Variants in NXPH1 observed in about 807,000 individuals in gnomAD.
The protein encoded by NXPH1 is neurexophilin 1.
NXPH1 carries 5 observed loss-of-function variants against 23.7 expected under a neutral mutation model. The observed-to-expected ratio is 0.21, with a 90% CI of 0.11 to 0.44. The LOEUF (loss-of-function observed/expected upper bound fraction) is 0.44. Among genes scored for constraint, NXPH1 ranks in the 20% least tolerant of loss-of-function variants. NXPH1 has a pLI of 0.99. For missense variants in NXPH1, 324 were observed against 321.6 expected, an observed-to-expected ratio of 1.01 and a Z score of -0.06; for synonymous variants, 144 against 122.2, an observed-to-expected ratio of 1.18 and a Z score of -1.18.
At chr7:8,517,210 C>A (rs1049692737) in intron 2 of NXPH1, among the ~76,000 whole-genome samples, 11 of 152,000 alleles carry the variant, frequency 7.2e-5, no homozygotes, top group Admixed American at 1.3e-4. Flanking sequence ...TAGGCTGTTA[C>A]AGGGGAAGGA....
In NXPH1 at chr7:8,702,707, A is replaced by AGG. The variant is rs755196456; in HGVS notation, c.55-48301_55-48300insGG. On this transcript the variant is annotated intron_variant, in intron 2 of 2. Transcript: ENST00000405863. ...TATTTAAAGTGCTTTCACCTACATT[A>AGG]TGCCTCCTGCTAGGAAGGCATAGGT... Among the ~76,000 whole-genome samples the AGG allele has an allele frequency of 2.0e-3, 301 of 152,242 alleles. 2 individuals carry two copies. In the Middle Eastern group the frequency reaches 0.02, roughly 10 times the overall value.
intron 2 of NXPH1, among the ~76,000 whole-genome samples, chr7:8,446,645 T>G (rs1300580538): frequency 1.3e-5 from 2 of 152,218 alleles, no homozygotes; most frequent in Non-Finnish European, 2.9e-5. Context: ...TTTGAGGTCC[T>G]TATTTTTTTC....
intron 2 of NXPH1, among the ~76,000 whole-genome samples, chr7:8,575,092 T>C (rs1562408142): frequency 6.6e-6 from 1 of 152,152 alleles, no homozygotes; most frequent in Non-Finnish European, 1.5e-5. Context: ...CTGTATCCTT[T>C]AAGTGACTAA....
chr7:8,530,551 G>T (rs957113616), intron 2 of NXPH1, among the ~76,000 whole-genome samples: 19 of 152,208 alleles, frequency 1.2e-4, no homozygotes, highest in Admixed American at 6.5e-5. Flanking sequence ...GTGAGCAGCA[G>T]TTGCTCCAGA....
At chr7:8,660,202 A>G (rs1332717072) in intron 2 of NXPH1, among the ~76,000 whole-genome samples, 1 of 152,246 alleles carries the variant, frequency 6.6e-6, no homozygotes, top group East Asian at 1.9e-4. Context: ...TTACACTGCC[A>G]GATAGGCATT....
intron 2 of NXPH1, among the ~76,000 whole-genome samples, chr7:8,593,359 C>T (rs1279615639): frequency 6.6e-6 from 1 of 151,594 alleles, no homozygotes; most frequent in Non-Finnish European, 1.5e-5. Flanking sequence ...AAAGCAGGGC[C>T]CTGAAAACTG....
intron 2 of NXPH1, among the ~76,000 whole-genome samples, chr7:8,480,299 T>C (rs117758658): frequency 0.027 from 4,183 of 152,292 alleles, 90 homozygotes; most frequent in Middle Eastern, 0.048. Flanking sequence ...GATGGAATTT[T>C]TATTTTCTCT....
chr7:8,474,501 T>A (rs1331217244), intron 2 of NXPH1, among the ~76,000 whole-genome samples: 3 of 152,178 alleles, frequency 2.0e-5, no homozygotes, highest in Admixed American at 6.5e-5. Context: ...GGCCTTTGTC[T>A]CTACTCCTTA....
At chr7:8,716,912 T>A (rs1303815774) in intron 2 of NXPH1, among the ~76,000 whole-genome samples, 4 of 152,160 alleles carry the variant, frequency 2.6e-5, no homozygotes, top group Non-Finnish European at 2.9e-5. Context: ...TTTCTTCACC[T>A]CCCTAATGCA....
At position 8,609,085 on chromosome 7, in the gene NXPH1, G is replaced by A. The variant is rs115481569; in HGVS notation, c.55-141923G>A. 3.0e-3 allele frequency among the ~76,000 whole-genome samples: 463 copies of A among 152,244 alleles called. 4 individuals are homozygous for A. The highest frequency in any genetic ancestry group is 0.011 in the African/African-American group (449 of 41,550). On this transcript the variant is annotated intron_variant, in intron 2 of 2. Transcript: ENST00000405863. The stretch of plus-strand genomic sequence containing the variant: ...CATCACTGTTTACAAGAACCTATCA[G>A]TGATTTTAGGTGTGGACTTATTGTG...
At chr7:8,460,806 A>G (rs549005336) in intron 2 of NXPH1, among the ~76,000 whole-genome samples, 1 of 152,318 alleles carries the variant, frequency 6.6e-6, no homozygotes, top group South Asian at 2.1e-4. Flanking sequence ...CTTTGGAAAA[A>G]TTATTCAACA....
intron 2 of NXPH1, among the ~76,000 whole-genome samples, chr7:8,691,999 C>A (rs528693233): frequency 6.6e-6 from 1 of 151,888 alleles, no homozygotes; most frequent in Non-Finnish European, 1.5e-5. Flanking sequence ...TGGGGAGATA[C>A]TTTTCTAGTC....
chr7:8,721,651 A>G (rs1361155333), intron 2 of NXPH1, among the ~76,000 whole-genome samples: 1 of 152,042 alleles, frequency 6.6e-6, no homozygotes, highest in African/African-American at 2.4e-5. Flanking sequence ...GGTGGCGGGC[A>G]CCTGTAGTCC....
intron 2 of NXPH1, among the ~76,000 whole-genome samples, chr7:8,691,729 G>A (rs753688879): frequency 1.1e-4 from 17 of 152,144 alleles, no homozygotes; most frequent in Non-Finnish European, 2.4e-4. Context: ...AGATGTTCCA[G>A]GCATAGGGGT....
intron 2 of NXPH1, among the ~76,000 whole-genome samples, chr7:8,662,187 T>TACACACACAC (rs1423090743): frequency 8.4e-4 from 126 of 150,716 alleles, no homozygotes; most frequent in South Asian, 5.4e-3. Flanking sequence ...TATATATATA[T>TACACACACAC]ATACACACAT....
At chr7:8,743,658 G>A (rs1315336159) in intron 2 of NXPH1, among the ~76,000 whole-genome samples, 1 of 151,440 alleles carries the variant, frequency 6.6e-6, no homozygotes, top group Non-Finnish European at 1.5e-5. Flanking sequence ...AGGAGCTAGA[G>A]CAAAGTGTGG....
At chr7:8,534,969 CAAAA>C (rs1241189797) in intron 2 of NXPH1, among the ~76,000 whole-genome samples, 1 of 151,776 alleles carries the variant, frequency 6.6e-6, no homozygotes, top group Admixed American at 6.6e-5. Flanking sequence ...AGCAAATAGA[CAAAA>C]AGAAAAAACC....
intron 2 of NXPH1, among the ~76,000 whole-genome samples, chr7:8,671,681 C>T (rs1482395659): frequency 6.6e-6 from 1 of 152,168 alleles, no homozygotes; most frequent in African/African-American, 2.4e-5. Flanking sequence ...GAAAAACACA[C>T]TTGTTCAGAA....
intron 2 of NXPH1, among the ~76,000 whole-genome samples, chr7:8,738,187 G>A (rs1344717117): frequency 1.3e-5 from 2 of 152,172 alleles, no homozygotes; most frequent in Non-Finnish European, 2.9e-5. Context: ...CTGGTGAGGA[G>A]TTGTCATCAT....
Sources: allele counts gnomAD v4.1 joint callset (sites outside exome capture counted in the v4.1 genomes callset), GRCh38; gene constraint gnomAD v4.1.1; transcripts MANE v1.5; gene names NCBI Gene and HGNC (gene_info 2026-07-23, HGNC 2026-07-21).